ADK: variants seen among roughly 807,000 people sequenced by gnomAD.
ADK encodes N6,N6-dimethyladenosine kinase.
A neutral mutation model predicts 44.7 loss-of-function variants in ADK; 24 were observed. That is an observed-to-expected ratio of 0.54 (90% CI 0.39 to 0.76). ADK has a LOEUF of 0.76. Among genes scored for constraint, ADK ranks in the 30% least tolerant of loss-of-function variants. ADK has a pLI of 0.00. For synonymous variants in ADK, 128 were observed against 142.6 expected, an observed-to-expected ratio of 0.90 and a Z score of 0.73; for missense variants, 321 against 425.1, an observed-to-expected ratio of 0.76 and a Z score of 2.15.
chr10:74,701,239 T>C (rs185533792), intron 10 of ADK, among the ~76,000 whole-genome samples: 59 of 152,318 alleles, frequency 3.9e-4, no homozygotes, highest in African/African-American at 1.4e-3. Context: ...TGGACTAGAA[T>C]TGGAAGTACT....
intron 4 of ADK, among the ~76,000 whole-genome samples, chr10:74,391,791 A>T (rs112265476): frequency 6.6e-6 from 1 of 151,970 alleles, no homozygotes; most frequent in African/African-American, 2.4e-5. Flanking sequence ...TTACATAGTC[A>T]ACCTCTAGAA....
At chr10:74,536,809 A>G (rs1016279230) in intron 7 of ADK, among the ~76,000 whole-genome samples, 11 of 152,140 alleles carry the variant, frequency 7.2e-5, no homozygotes, top group Non-Finnish European at 1.6e-4. Context: ...AACTTCATCC[A>G]TGTTATAGCA....
intron 10 of ADK, among the ~76,000 whole-genome samples, chr10:74,700,628 A>C (rs1283684428): frequency 6.6e-6 from 1 of 152,090 alleles, no homozygotes; most frequent in Non-Finnish European, 1.5e-5. Flanking sequence ...AAAACAAAAA[A>C]AAAAAGAAAA....
intron 3 of ADK, among the ~76,000 whole-genome samples, chr10:74,239,992 T>C (rs963930968): frequency 6.6e-6 from 1 of 150,976 alleles, no homozygotes; most frequent in Non-Finnish European, 1.5e-5. Context: ...CATATATTTA[T>C]GCTTTTCATT....
chr10:74,185,766 G>A (rs1012031386), intron 1 of ADK, among the ~76,000 whole-genome samples: 2 of 67,542 alleles, frequency 3.0e-5, no homozygotes, highest in Non-Finnish European at 6.9e-5. Flanking sequence ...AACCCGGGAG[G>A]CGGAGCTTGC....
At chr10:74,243,722 G>A (rs148906127) in intron 3 of ADK, among the ~76,000 whole-genome samples, 75 of 152,282 alleles carry the variant, frequency 4.9e-4, no homozygotes, top group Middle Eastern at 3.4e-3. Context: ...AGTTAGCTGG[G>A]CATGGTGGTG....
chr10:74,521,058 G>C (rs1447239680), intron 6 of ADK, among the ~76,000 whole-genome samples: 1 of 151,996 alleles, frequency 6.6e-6, no homozygotes, highest in Non-Finnish European at 1.5e-5. Flanking sequence ...AAAAAATTTT[G>C]TAATGGCACT....
chr10:74,277,426 T>G (rs1846735769), intron 3 of ADK, among the ~76,000 whole-genome samples: 1 of 151,408 alleles, frequency 6.6e-6, no homozygotes, highest in Admixed American at 6.6e-5. Context: ...GATGGAGTTC[T>G]CACTCTGTCG....
intron 7 of ADK, among the ~76,000 whole-genome samples, chr10:74,530,814 A>C (rs186677877): frequency 6.6e-6 from 1 of 152,004 alleles, no homozygotes; most frequent in Non-Finnish European, 1.5e-5. Flanking sequence ...AATCCCAGCT[A>C]CTCGGGTGGC....
intron 9 of ADK, among the ~76,000 whole-genome samples, chr10:74,626,004 CTAAA>C (rs1853188648): frequency 2.7e-5 from 4 of 150,936 alleles, no homozygotes; most frequent in Admixed American, 1.3e-4. Context: ...GTAGTTGATA[CTAAA>C]TAAATAAATC....
chr10:74,450,397 C>T (rs1036178575), intron 6 of ADK, among the ~76,000 whole-genome samples: 8 of 152,152 alleles, frequency 5.3e-5, no homozygotes, highest in African/African-American at 1.9e-4. Flanking sequence ...TGTTCCTCCA[C>T]TAGATTGTAA....
intron 3 of ADK, among the ~76,000 whole-genome samples, chr10:74,275,648 ATTCTT>A (rs1007966457): frequency 2.6e-5 from 4 of 152,070 alleles, no homozygotes; most frequent in African/African-American, 7.2e-5. Context: ...ACTTAGAAAC[ATTCTT>A]TTCTTTTCTT....
At chr10:74,187,395 G>A (rs1307404388) in intron 1 of ADK, among the ~76,000 whole-genome samples, 2 of 152,066 alleles carry the variant, frequency 1.3e-5, no homozygotes, top group Non-Finnish European at 2.9e-5. Context: ...AAACTTTTAT[G>A]TGCAACCCTA....
intron 6 of ADK, among the ~76,000 whole-genome samples, chr10:74,455,293 C>T (rs1477675791): frequency 6.6e-6 from 1 of 151,920 alleles, no homozygotes; most frequent in Non-Finnish European, 1.5e-5. Context: ...CACTTGGAGC[C>T]AGGAGTTCAA....
chr10:74,443,705 T>G (rs769740186), intron 6 of ADK, among the ~76,000 whole-genome samples: 1 of 152,156 alleles, frequency 6.6e-6, no homozygotes, highest in Non-Finnish European at 1.5e-5. Flanking sequence ...TAGATCTCAA[T>G]AAAGCTTTTA....
chr10:74,477,396 T>C (rs571317721), intron 6 of ADK, among the ~76,000 whole-genome samples: 47 of 152,136 alleles, frequency 3.1e-4, no homozygotes, highest in African/African-American at 1.0e-3. Context: ...TTTTTAGAGA[T>C]AGGGTTTTTC....
chr10:74,661,898 T>C (rs922649846), intron 9 of ADK, among the ~76,000 whole-genome samples: 1 of 152,244 alleles, frequency 6.6e-6, no homozygotes, highest in Admixed American at 6.5e-5. Context: ...CTTGAGAAGA[T>C]AGATCATGTC....
intron 3 of ADK, among the ~76,000 whole-genome samples, chr10:74,313,283 CACTTT>C (rs1182564105): frequency 1.3e-4 from 19 of 151,982 alleles, no homozygotes; most frequent in Non-Finnish European, 1.0e-4. Flanking sequence ...AGTCATACAC[CACTTT>C]ACTTTTCTTT....
intron 3 of ADK, among the ~76,000 whole-genome samples, chr10:74,281,443 T>C (rs913647600): frequency 2.6e-5 from 4 of 152,212 alleles, no homozygotes; most frequent in Non-Finnish European, 5.9e-5. Context: ...TCTCTTATGA[T>C]CCTAGACATT....
Sources: allele counts gnomAD v4.1 joint callset (sites outside exome capture counted in the v4.1 genomes callset), GRCh38; gene constraint gnomAD v4.1.1; transcripts MANE v1.5; gene names NCBI Gene and HGNC (gene_info 2026-07-23, HGNC 2026-07-21).